Variants in DENND2A observed in about 807,000 individuals in gnomAD.
DENND2A encodes DENN domain-containing protein 2A.
A neutral mutation model predicts 105.3 loss-of-function variants in DENND2A; 53 were observed. The ratio of observed to expected loss-of-function variants is 0.50; its 90% CI spans 0.40 to 0.63. The LOEUF (loss-of-function observed/expected upper bound fraction) is 0.63. Among genes scored for constraint, DENND2A ranks in the 30% least tolerant of loss-of-function variants. The pLI is 0.00. For synonymous variants in DENND2A, 522 were observed against 508.4 expected, an observed-to-expected ratio of 1.03 and a Z score of -0.36; for missense variants, 1,138 against 1,279.6, an observed-to-expected ratio of 0.89 and a Z score of 1.69.
chr7:140,577,420 TG>T (rs1027299710), intron 5 of DENND2A, among the ~76,000 whole-genome samples: 2 of 150,924 alleles, frequency 1.3e-5, no homozygotes, highest in Non-Finnish European at 3.0e-5. Context: ...TTTTTTGAGA[TG>T]GAGTCTCGCT....
At position 140,591,741 on chromosome 7, in the gene DENND2A, CTT is replaced by C. The variant is rs1181278147; in HGVS notation, c.996-3963_996-3962del. On this transcript the variant is annotated intron_variant, in intron 3 of 19. Coordinates refer to ENST00000496613, the MANE Select transcript of DENND2A (RefSeq NM_015689.5). ...TCTCTTTCCTTTCCTTTCTCTCTCT[CTT>C]TTCTTTCTCTTTCCCTCCCTCCTTT... Among the ~76,000 whole-genome samples the C allele has an allele frequency of 5.4e-5, 8 of 148,132 alleles. No homozygotes were observed. In the East Asian group the frequency reaches 6.0e-4, roughly 11 times the overall value.
intron 9 of DENND2A, among the ~76,000 whole-genome samples, chr7:140,566,159 G>C (rs546235165): frequency 2.4e-4 from 36 of 152,244 alleles, no homozygotes; most frequent in Non-Finnish European, 4.3e-4. Context: ...AGCCTCCTGA[G>C]TAGCTGGGAT....
chr7:140,547,629 T>G (rs1331216020), intron 12 of DENND2A, among the ~76,000 whole-genome samples: 2 of 152,182 alleles, frequency 1.3e-5, no homozygotes, highest in African/African-American at 2.4e-5. Flanking sequence ...ATAGCACTCC[T>G]AGGTACCTAC....
rs115217203 is a variant in DENND2A, at chr7:140,620,985, C to T, written c.-247-15179G>A. On this transcript the variant is annotated intron_variant, in intron 1 of 19. Coordinates refer to ENST00000496613, the MANE Select transcript of DENND2A (RefSeq NM_015689.5). ...GGATGCTCAAGTCCCATAAAAATGG[C>T]ATAGTATTTGGATATAACCTATGTA... is the stretch of plus-strand genomic sequence containing the variant. 7.9e-3 allele frequency among the ~76,000 whole-genome samples: 1,209 copies of T among 152,252 alleles called. 12 individuals are homozygous for T. Among genetic ancestry groups the T allele is most frequent in the African/African-American group, 0.027 (1,141 of 41,546 alleles).
intron 1 of DENND2A, among the ~76,000 whole-genome samples, chr7:140,615,012 G>A (rs757400635): frequency 5.3e-5 from 8 of 152,054 alleles, no homozygotes; most frequent in Admixed American, 2.0e-4. Context: ...GACTACAGGT[G>A]TGCACCACCA....
intron 5 of DENND2A, among the ~76,000 whole-genome samples, chr7:140,575,416 T>C (rs1798259557): frequency 6.6e-6 from 1 of 152,206 alleles, no homozygotes; most frequent in Admixed American, 6.5e-5. Flanking sequence ...GGCAGTCTAG[T>C]GTGAGCTAAC....
chr7:140,614,986 C>T lies in DENND2A; in HGVS notation c.-247-9180G>A, dbSNP rs576280245. Among the ~76,000 whole-genome samples, 9 of 152,276 alleles carry T rather than the reference C, an allele frequency of 5.9e-5. 2 individuals carry two copies. In the Middle Eastern group the frequency reaches 0.01, roughly 173 times the overall value. On this transcript the variant is annotated intron_variant, in intron 1 of 19. Transcript: ENST00000496613. ...TGATCTTCCTACCTCAGCTCCCTAC[C>T]GCCCCAGGTAGCTGGGACTACAGGT...
chr7:140,574,566 GA>G (rs1464559381), intron 5 of DENND2A, among the ~76,000 whole-genome samples: 17 of 152,242 alleles, frequency 1.1e-4, no homozygotes, highest in African/African-American at 4.1e-4. Context: ...TCAATCCCAA[GA>G]CGTTACAGCT....
intron 2 of DENND2A, among the ~76,000 whole-genome samples, chr7:140,604,276 G>A (rs1286324407): frequency 6.6e-6 from 1 of 152,246 alleles, no homozygotes; most frequent in Non-Finnish European, 1.5e-5. Context: ...CCTCAGTGGA[G>A]ACATTAGCAC....
intron 1 of DENND2A, among the ~76,000 whole-genome samples, chr7:140,629,995 T>A (rs1172253584): frequency 6.6e-6 from 1 of 151,818 alleles, no homozygotes; most frequent in Non-Finnish European, 1.5e-5. Context: ...GTAGCTGGGA[T>A]TACAACAGGT....
intron 1 of DENND2A, among the ~76,000 whole-genome samples, chr7:140,631,661 A>G (rs1309376292): frequency 6.6e-6 from 1 of 152,158 alleles, no homozygotes; most frequent in Non-Finnish European, 1.5e-5. Flanking sequence ...GTTGATTGTC[A>G]CAAATACAGA....
intron 5 of DENND2A, among the ~76,000 whole-genome samples, chr7:140,579,320 G>A (rs1029869161): frequency 6.6e-6 from 1 of 151,184 alleles, no homozygotes; most frequent in Non-Finnish European, 1.5e-5. Context: ...ATAATAAAAA[G>A]AAATTGATGA....
chr7:140,518,434 T>A lies in DENND2A; in HGVS notation c.*273A>T. 1 of 381,472 alleles carries A rather than the reference T, an allele frequency of 2.6e-6. No individual in the cohort carries two copies. The highest frequency in any genetic ancestry group is 4.7e-6 in the Non-Finnish European group (1 of 214,978). 23.6% of individuals were successfully genotyped at this position (381,472 alleles called of 1,614,324 possible). On this transcript the variant is annotated 3_prime_UTR_variant, in exon 20 of 20. Coordinates refer to ENST00000496613, the MANE Select transcript of DENND2A (RefSeq NM_015689.5). ...GAAAACCCACACATTTTTCTTACTT[T>A]TAATATCTAAGATAAAAAAAAAAAC...
intron 1 of DENND2A, among the ~76,000 whole-genome samples, chr7:140,614,585 G>A (rs892238116): frequency 6.6e-6 from 1 of 152,060 alleles, no homozygotes; most frequent in Admixed American, 6.6e-5. Context: ...TAAGGCCATG[G>A]GCTATTCAGC....
chr7:140,620,364 G>T, intron 1 of DENND2A, among the ~76,000 whole-genome samples: 1 of 148,908 alleles, frequency 6.7e-6, no homozygotes. Flanking sequence ...GGGGGGAGGA[G>T]GAATTTATTA....
chr7:140,525,721 G>A, intron 16 of DENND2A, 30 bp downstream of exon 16: 1 of 1,594,798 alleles, frequency 6.3e-7, no homozygotes, highest in Non-Finnish European at 8.5e-7. Context: ...AAGACAAAGG[G>A]AGCAGGAGGC....
intron 1 of DENND2A, among the ~76,000 whole-genome samples, chr7:140,618,974 A>G (rs1217022571): frequency 6.6e-6 from 1 of 151,662 alleles, no homozygotes; most frequent in East Asian, 1.9e-4. Flanking sequence ...AATTTTTTGT[A>G]TTTTTTGTAA....
Position 140,521,841 on chromosome 7 carries a change from A to G in DENND2A, c.2911+14T>C. ...TCTAGCTGACTCGGCCCCAACAGAG[A>G]AGATGCCCCTCACCTTTGGCATCCT... On this transcript the variant is annotated intron_variant, in intron 18 of 19. Coordinates refer to ENST00000496613, the MANE Select transcript of DENND2A (RefSeq NM_015689.5). 6.2e-7 allele frequency: 1 copy of G among 1,613,098 alleles called. No individual in the cohort carries two copies. The highest frequency in any genetic ancestry group is 8.5e-7 in the Non-Finnish European group (1 of 1,179,460).
chr7:140,519,590 T>C, intron 19 of DENND2A, 42 bp downstream of exon 19: 1 of 1,579,772 alleles, frequency 6.3e-7, no homozygotes, highest in Non-Finnish European at 8.7e-7. Flanking sequence ...GACAGACAGC[T>C]CAGAGGCACA....
Sources: gnomAD v4.1 joint callset for allele counts (sites outside exome capture counted in the v4.1 genomes callset) on GRCh38, gnomAD v4.1.1 for gene constraint, MANE v1.5 for transcripts, NCBI Gene and HGNC (gene_info 2026-07-23, HGNC 2026-07-21) for gene names.